MYO1D: variants seen among roughly 807,000 people sequenced by gnomAD.
The protein encoded by MYO1D is myosin ID, also known as unconventional myosin-Id.
In MYO1D, 83 loss-of-function variants were observed where a neutral mutation model predicts 122.0. The ratio of observed to expected loss-of-function variants is 0.68; its 90% CI spans 0.57 to 0.82. MYO1D has a LOEUF of 0.82. Among genes scored for constraint, MYO1D ranks in the 40% least tolerant of loss-of-function variants. The pLI is 0.00. For synonymous variants in MYO1D, 464 were observed against 446.9 expected (o/e 1.04, Z -0.48); for missense variants, 1,157 against 1,269.5 (o/e 0.91, Z 1.35).
intron 16 of MYO1D, among the ~76,000 whole-genome samples, chr17:32,675,962 C>G (rs901263338): frequency 6.6e-6 from 1 of 152,050 alleles, no homozygotes; most frequent in African/African-American, 2.4e-5. Context: ...ATCAAATATC[C>G]TCCTATGATG....
intron 1 of MYO1D, among the ~76,000 whole-genome samples, chr17:32,821,534 TCACACATACA>T (rs2090664575): frequency 2.1e-5 from 3 of 143,054 alleles, no homozygotes; most frequent in Non-Finnish European, 3.1e-5. Context: ...GATAAGTAAA[TCACACATACA>T]CACACACACA....
Position 32,634,937 on chromosome 17 carries a change from A to G in MYO1D, c.2709+3785T>C, listed in dbSNP as rs374976504. ...GCTTGGGCCTAAGGATGACAGTGAT[A>G]AATAGTGGAGGGAGGAGATCAGTTA... is the stretch of plus-strand genomic sequence containing the variant. On this transcript the variant is annotated intron_variant, in intron 20 of 21. Coordinates refer to ENST00000318217, the MANE Select transcript of MYO1D (RefSeq NM_015194.3). 2.4e-3 allele frequency among the ~76,000 whole-genome samples: 367 copies of G among 152,330 alleles called. 1 individual carries two copies. Among genetic ancestry groups the G allele is most frequent in the South Asian group, 0.024 (115 of 4,824 alleles).
intron 1 of MYO1D, chr17:32,792,705 T>C (rs1216584918): frequency 6.6e-6 from 1 of 152,262 alleles, no homozygotes; most frequent in African/African-American, 2.4e-5. Context: ...TGCAGTGGTA[T>C]GACCATAGCT....
At chr17:32,773,370 A>G (rs1040660487) in intron 4 of MYO1D, among the ~76,000 whole-genome samples, 2 of 152,178 alleles carry the variant, frequency 1.3e-5, no homozygotes, top group Non-Finnish European at 1.5e-5. Flanking sequence ...TCGGGAAGAC[A>G]GTCTTCCCTT....
chr17:32,667,785 A>G (rs1328203590), intron 16 of MYO1D, among the ~76,000 whole-genome samples: 1 of 152,206 alleles, frequency 6.6e-6, no homozygotes, highest in African/African-American at 2.4e-5. Context: ...CATTTTATAT[A>G]TATGGCCTTG....
chr17:32,696,531 G>A (rs1354090517), intron 16 of MYO1D, among the ~76,000 whole-genome samples: 1 of 152,174 alleles, frequency 6.6e-6, no homozygotes, highest in East Asian at 1.9e-4. Context: ...TGATCCAGGT[G>A]CTTTAAGAAG....
chr17:32,741,087 G>C (rs1280008677), intron 13 of MYO1D, among the ~76,000 whole-genome samples: 2 of 151,972 alleles, frequency 1.3e-5, no homozygotes, highest in African/African-American at 4.8e-5. Flanking sequence ...ATATTGCTGG[G>C]TGTAGTGGTG....
chr17:32,652,149 G>A (rs2088400135), intron 19 of MYO1D, among the ~76,000 whole-genome samples: 2 of 152,248 alleles, frequency 1.3e-5, no homozygotes, highest in Admixed American at 6.5e-5. Flanking sequence ...AATATGGGCT[G>A]TGGAATTCTT....
Position 32,589,258 on chromosome 17 carries a change from C to T in MYO1D, c.2864+15829G>A, listed in dbSNP as rs567777320. On this transcript the variant is annotated intron_variant, in intron 21 of 21. Coordinates refer to ENST00000318217, the MANE Select transcript of MYO1D (RefSeq NM_015194.3). Reference sequence around the variant, plus strand: ...CTTCACCTTGAGTCCTGCTGCTCCCCGTGGGTTCCCTATGCTCTACGCTGT... The same window carrying T: ...CTTCACCTTGAGTCCTGCTGCTCCCTGTGGGTTCCCTATGCTCTACGCTGT... Among the ~76,000 whole-genome samples the T allele has an allele frequency of 6.6e-5, 10 of 152,320 alleles. No homozygotes were observed. The South Asian group carries it at 1.0e-3, about 16-fold the overall frequency.
intron 21 of MYO1D, among the ~76,000 whole-genome samples, chr17:32,517,615 T>C (rs577687348): frequency 6.6e-6 from 1 of 152,234 alleles, no homozygotes; most frequent in Admixed American, 6.5e-5. Flanking sequence ...CTGGGTGATT[T>C]TCCTGTGCAC....
At chr17:32,765,375 T>C (rs528778461) in intron 7 of MYO1D, among the ~76,000 whole-genome samples, 3 of 152,334 alleles carry the variant, frequency 2.0e-5, no homozygotes, top group East Asian at 3.9e-4. Context: ...ACTTAGACCA[T>C]TCCTACTCCA....
intron 17 of MYO1D, among the ~76,000 whole-genome samples, chr17:32,656,629 C>T (rs1336713998): frequency 6.6e-6 from 1 of 152,192 alleles, no homozygotes; most frequent in African/African-American, 2.4e-5. Context: ...GAAGTCATGG[C>T]TCAGTAGAAT....
At chr17:32,539,746 C>G (rs539639092) in intron 21 of MYO1D, among the ~76,000 whole-genome samples, 1 of 152,158 alleles carries the variant, frequency 6.6e-6, no homozygotes, top group Non-Finnish European at 1.5e-5. Context: ...CTGCAAAGAG[C>G]CTTTTTCCAA....
At chr17:32,725,798 A>T (rs1437232765) in intron 14 of MYO1D, among the ~76,000 whole-genome samples, 12 of 152,250 alleles carry the variant, frequency 7.9e-5, no homozygotes, top group Admixed American at 5.9e-4. Context: ...TTAAAAAAAA[A>T]TCTACACCTA....
At chr17:32,501,008 CAA>C (rs548406349) in intron 21 of MYO1D, among the ~76,000 whole-genome samples, 19 of 94,306 alleles carry the variant, frequency 2.0e-4, no homozygotes, top group Admixed American at 1.2e-4. Context: ...GACTCCATCT[CAA>C]AAAAAAAAAA....
intron 1 of MYO1D, among the ~76,000 whole-genome samples, chr17:32,795,760 T>C (rs2090409206): frequency 6.6e-6 from 1 of 152,154 alleles, no homozygotes; most frequent in Non-Finnish European, 1.5e-5. Flanking sequence ...AGAGTCCGCC[T>C]GAAGACAAGT....
intron 1 of MYO1D, among the ~76,000 whole-genome samples, chr17:32,839,306 G>T (rs2090855610): frequency 6.6e-6 from 1 of 152,154 alleles, no homozygotes; most frequent in African/African-American, 2.4e-5. Flanking sequence ...TTTTCCAAGA[G>T]CCAAGAAGTG....
chr17:32,600,830 C>T (rs922025681), intron 21 of MYO1D, among the ~76,000 whole-genome samples: 1 of 152,202 alleles, frequency 6.6e-6, no homozygotes, highest in African/African-American at 2.4e-5. Context: ...TAATTTCCTT[C>T]AAGAACTTTT....
intron 19 of MYO1D, among the ~76,000 whole-genome samples, chr17:32,647,817 G>A (rs1309325276): frequency 6.6e-6 from 1 of 151,822 alleles, no homozygotes; most frequent in Non-Finnish European, 1.5e-5. Context: ...CTAAACTCTG[G>A]AGTGTGGTAA....
Sources: gnomAD v4.1 joint callset for allele counts (sites outside exome capture counted in the v4.1 genomes callset) on GRCh38, gnomAD v4.1.1 for gene constraint, MANE v1.5 for transcripts, NCBI Gene and HGNC (gene_info 2026-07-23, HGNC 2026-07-21) for gene names.